Variants in CNKSR2 observed in about 807,000 individuals in gnomAD.
CNKSR2 encodes connector enhancer of kinase suppressor of Ras 2.
Under a neutral mutation model 84.4 loss-of-function variants are expected in CNKSR2, and 14 were observed. The observed-to-expected ratio is 0.17, with a 90% CI of 0.11 to 0.26. The LOEUF (loss-of-function observed/expected upper bound fraction) is 0.26, where lower values mean the gene tolerates loss of function less well. Ranked by LOEUF, CNKSR2 falls within the 10% of genes least tolerant of loss-of-function variation. The pLI is 1.00. For synonymous variants in CNKSR2, 275 were observed against 277.9 expected, an observed-to-expected ratio of 0.99 and a Z score of 0.10; for missense variants, 485 against 771.2, an observed-to-expected ratio of 0.63 and a Z score of 4.40.
rs149638072 is a variant in CNKSR2, at chrX:21,511,993, T to C, written c.811-4492T>C. On this transcript the variant is annotated intron_variant, in intron 8 of 21. Transcript: ENST00000379510. The stretch of plus-strand genomic sequence containing the variant: ...TGTTGGGGGCTCCTGTTGCACTCTG[T>C]ATTCACCCTATTGAGGTACTTATCT... 5.0e-3 allele frequency among the ~76,000 whole-genome samples: 559 copies of C among 111,844 alleles called. 1 individual carries two copies. Among genetic ancestry groups the C allele is most frequent in the African/African-American group, 0.016 (496 of 30,799 alleles).
chrX:21,530,446 T>C (rs1250323121), intron 10 of CNKSR2, among the ~76,000 whole-genome samples: 1 of 111,286 alleles, frequency 9.0e-6, no homozygotes. Flanking sequence ...CTGGGGCTCA[T>C]ATTTTAGAAT....
intron 11 of CNKSR2, among the ~76,000 whole-genome samples, chrX:21,547,251 A>G (rs2092035777): frequency 9.0e-6 from 1 of 111,560 alleles, no homozygotes; most frequent in Non-Finnish European, 1.9e-5. Context: ...AAGCAAATGG[A>G]AAGCAAGAAA....
chrX:21,409,228 TTATATATATATA>T (rs57301315), intron 1 of CNKSR2, among the ~76,000 whole-genome samples: 6,811 of 38,311 alleles, frequency 0.18, 582 homozygotes, highest in Admixed American at 0.24. Context: ...AATGAAAAAA[TTATATATATATA>T]TATATATATA....
chrX:21,611,321 GC>G (rs1430980815), intron 20 of CNKSR2, among the ~76,000 whole-genome samples: 1 of 112,344 alleles, frequency 8.9e-6, no homozygotes, highest in East Asian at 2.8e-4. Flanking sequence ...CTTTATCTCA[GC>G]CATTTTAAGA....
intron 1 of CNKSR2, among the ~76,000 whole-genome samples, chrX:21,409,946 G>T (rs751518831): frequency 1.8e-5 from 2 of 110,680 alleles, no homozygotes; most frequent in East Asian, 5.6e-4. Context: ...GTTAATTCTT[G>T]GGTATCATTA....
chrX:21,475,287 A>G (rs2091248634), intron 5 of CNKSR2, among the ~76,000 whole-genome samples: 2 of 111,919 alleles, frequency 1.8e-5, no homozygotes, highest in Admixed American at 9.5e-5. Flanking sequence ...CCTGTATCCA[A>G]ATATCTAATG....
intron 4 of CNKSR2, among the ~76,000 whole-genome samples, chrX:21,443,309 T>A (rs2090811069): frequency 8.9e-6 from 1 of 111,741 alleles, no homozygotes; most frequent in Admixed American, 9.5e-5. Context: ...CAGAGATTTT[T>A]TTCTCCATTT....
intron 5 of CNKSR2, among the ~76,000 whole-genome samples, chrX:21,471,114 CA>C (rs1331548940): frequency 9.0e-6 from 1 of 111,399 alleles, no homozygotes; most frequent in African/African-American, 3.3e-5. Context: ...TCATCTATTA[CA>C]AAAAAGATCA....
intron 1 of CNKSR2, among the ~76,000 whole-genome samples, chrX:21,401,288 T>C (rs1255382598): frequency 9.0e-6 from 1 of 111,352 alleles, no homozygotes; most frequent in African/African-American, 3.2e-5. Context: ...ACCTTTTGAC[T>C]TTTTAATGTT....
chrX:21,469,124 C>T (rs2091165545), intron 4 of CNKSR2, among the ~76,000 whole-genome samples: 1 of 111,655 alleles, frequency 9.0e-6, no homozygotes, highest in South Asian at 3.7e-4. Context: ...ACTTTGTTTA[C>T]TTTTTTCCTT....
intron 2 of CNKSR2, chrX:21,428,841 T>C (rs910190375): frequency 2.7e-5 from 3 of 111,568 alleles, no homozygotes; most frequent in African/African-American, 9.8e-5. Context: ...GCTTGGTTCA[T>C]TCATCTTAAA....
intron 1 of CNKSR2, among the ~76,000 whole-genome samples, chrX:21,387,053 C>T (rs1027183309): frequency 1.8e-5 from 2 of 112,221 alleles, no homozygotes; most frequent in Non-Finnish European, 3.8e-5. Context: ...CTGTGAATCT[C>T]CATCTACATT....
At chrX:21,463,849 T>C (rs184721168) in intron 4 of CNKSR2, among the ~76,000 whole-genome samples, 1 of 111,169 alleles carries the variant, frequency 9.0e-6, no homozygotes, top group African/African-American at 3.3e-5. Flanking sequence ...TCCCCACTCT[T>C]CCATTTCCTC....
At chrX:21,412,838 A>C (rs2090363987) in intron 1 of CNKSR2, among the ~76,000 whole-genome samples, 2 of 111,863 alleles carry the variant, frequency 1.8e-5, no homozygotes, top group South Asian at 3.7e-4. Context: ...TGTACTTCTT[A>C]TTATAGTAAA....
intron 4 of CNKSR2, among the ~76,000 whole-genome samples, chrX:21,442,876 T>C (rs1379390801): frequency 9.0e-6 from 1 of 111,277 alleles, no homozygotes; most frequent in African/African-American, 3.3e-5. Context: ...TGGAGGTCAT[T>C]ATCTTAAGCA....
intron 19 of CNKSR2, 36 bp from the exon 20 acceptor site, chrX:21,609,034 AT>A: frequency 1.7e-6 from 2 of 1,164,980 alleles, no homozygotes; most frequent in African/African-American, 3.6e-5. Flanking sequence ...GTGGTCTGTT[AT>A]TTTGGCACAG....
rs149590610 is a variant in CNKSR2 at position 21,502,644 on chromosome X, C to T, written c.810+1056C>T. Among the ~76,000 whole-genome samples the T allele has an allele frequency of 7.5e-3, 833 of 111,276 alleles. 4 individuals are homozygous for T. Among genetic ancestry groups the T allele is most frequent in the African/African-American group, 0.024 (740 of 30,795 alleles). The stretch of plus-strand genomic sequence containing the variant: ...TTTGGTTTTGAATAATTTGAGAAGT[C>T]TGTGATATTTTGGAAAGGCTCCTAG... On this transcript the variant is annotated intron_variant, in intron 8 of 21. Coordinates refer to ENST00000379510, the MANE Select transcript of CNKSR2 (RefSeq NM_014927.5).
chrX:21,394,426 A>T (rs1276491023), intron 1 of CNKSR2, among the ~76,000 whole-genome samples: 2 of 111,863 alleles, frequency 1.8e-5, no homozygotes, highest in Non-Finnish European at 3.8e-5. Flanking sequence ...TCATGTAGCC[A>T]CTTCTTTTTC....
intron 2 of CNKSR2, among the ~76,000 whole-genome samples, chrX:21,429,989 G>C (rs1367905212): frequency 8.9e-6 from 1 of 111,806 alleles, no homozygotes; most frequent in African/African-American, 3.2e-5. Flanking sequence ...ACATAAATCT[G>C]GTTACATACA....
Sources: allele counts gnomAD v4.1 joint callset (sites outside exome capture counted in the v4.1 genomes callset), GRCh38; gene constraint gnomAD v4.1.1; transcripts MANE v1.5; gene names NCBI Gene and HGNC (gene_info 2026-07-23, HGNC 2026-07-21).